IL1RAPL1: variants seen among roughly 807,000 people sequenced by gnomAD.
IL1RAPL1 encodes interleukin 1 receptor accessory protein like 1.
In IL1RAPL1, 3 loss-of-function variants were observed where a neutral mutation model predicts 48.4. The observed-to-expected ratio is 0.06, with a 90% CI of 0.03 to 0.16. The LOEUF (loss-of-function observed/expected upper bound fraction) is 0.16. Ranked by LOEUF, IL1RAPL1 falls within the 10% of genes least tolerant of loss-of-function variation. The probability of loss-of-function intolerance (pLI) is 1.00; values close to 1 mark genes in which losing one functional copy is unlikely to be tolerated. For missense variants in IL1RAPL1, 349 were observed against 530.6 expected (o/e 0.66, Z 3.36); for synonymous variants, 185 against 187.7 (o/e 0.99, Z 0.12).
intron 5 of IL1RAPL1, among the ~76,000 whole-genome samples, chrX:29,569,151 A>G (rs887259584): frequency 9.0e-6 from 1 of 111,601 alleles, no homozygotes. Flanking sequence ...TAAGGCATTT[A>G]TATTTTCTAG....
chrX:28,655,171 T>C (rs1934735563), intron 1 of IL1RAPL1, among the ~76,000 whole-genome samples: 2 of 111,486 alleles, frequency 1.8e-5, no homozygotes, highest in East Asian at 2.8e-4. Flanking sequence ...TAAGAAATCC[T>C]TGAAAAGGAA....
intron 6 of IL1RAPL1, among the ~76,000 whole-genome samples, chrX:29,729,047 C>T (rs962664126): frequency 3.6e-5 from 4 of 111,649 alleles, no homozygotes; most frequent in Non-Finnish European, 7.5e-5. Flanking sequence ...ATCCTGGGCT[C>T]AGAAACTGGC....
intron 5 of IL1RAPL1, among the ~76,000 whole-genome samples, chrX:29,645,595 C>T (rs1925296111): frequency 9.0e-6 from 1 of 111,327 alleles, no homozygotes; most frequent in South Asian, 3.8e-4. Flanking sequence ...GCCTGTAGCC[C>T]CTATGAAATG....
chrX:28,966,654 A>G (rs1431887793), intron 2 of IL1RAPL1, among the ~76,000 whole-genome samples: 1 of 111,642 alleles, frequency 9.0e-6, no homozygotes. Flanking sequence ...AGCAAACCCA[A>G]AAGTTATCTT....
At position 29,668,449 on chromosome X, in the gene IL1RAPL1, A is replaced by G. The variant is rs781408194; in HGVS notation, c.723A>G (p.Pro241=). 3 of 1,209,604 alleles carry G rather than the reference A, an allele frequency of 2.5e-6. No individual in the cohort carries two copies. In the South Asian group the frequency reaches 5.3e-5, roughly 21 times the overall value. ...LTVTAPLTDK[P]PKLLYPMESK... The stretch of plus-strand genomic sequence containing the variant: ...TTTCAGCCCCTCTGACTGATAAGCC[A>G]CCCAAGCTTTTGTATCCTATGGAAA... The change falls in exon 6 of 11, where the codon CCA becomes CCG. Residue 241 remains proline (P), a synonymous_variant. Transcript: ENST00000378993.
At chrX:28,652,821 A>G (rs1307653791) in intron 1 of IL1RAPL1, among the ~76,000 whole-genome samples, 1 of 110,253 alleles carries the variant, frequency 9.1e-6, no homozygotes, top group Non-Finnish European at 1.9e-5. Context: ...AGAAAAAAAC[A>G]TGGAGGAAAA....
At chrX:29,664,630 C>T (rs1441914776) in intron 5 of IL1RAPL1, among the ~76,000 whole-genome samples, 2 of 111,498 alleles carry the variant, frequency 1.8e-5, no homozygotes, top group Non-Finnish European at 3.8e-5. Context: ...CCTCACATTT[C>T]TCTCCACGTT....
At position 28,799,771 on chromosome X, in the gene IL1RAPL1, G is replaced by T. The variant is rs150445671; in HGVS notation, c.82+10346G>T. On this transcript the variant is annotated intron_variant, in intron 2 of 10. Coordinates refer to ENST00000378993, the MANE Select transcript of IL1RAPL1 (RefSeq NM_014271.4). ...ATTTCTGAAGAATATATAGGATCTA[G>T]TGAGTGTTTGGAGATGAATTGTGAA... Among the ~76,000 whole-genome samples the T allele has an allele frequency of 6.8e-3, 764 of 112,131 alleles. 3 individuals carry two copies. Among genetic ancestry groups the T allele is most frequent in the African/African-American group, 0.024 (741 of 30,855 alleles).
intron 2 of IL1RAPL1, among the ~76,000 whole-genome samples, chrX:29,174,762 A>C (rs1216014255): frequency 1.8e-5 from 2 of 111,810 alleles, no homozygotes; most frequent in Non-Finnish European, 3.8e-5. Flanking sequence ...GTTCTATAGT[A>C]AGAAAAAGGA....
chrX:29,633,468 T>TATATATACACAC (rs762146549), intron 5 of IL1RAPL1, among the ~76,000 whole-genome samples: 3 of 97,731 alleles, frequency 3.1e-5, no homozygotes, highest in African/African-American at 1.1e-4. Flanking sequence ...GATATATATA[T>TATATATACACAC]ACACACACAC....
At chrX:29,399,392 A>G in intron 5 of IL1RAPL1, 84 bp downstream of exon 5, 1 of 811,618 alleles carries the variant, frequency 1.2e-6, no homozygotes, top group Non-Finnish European at 1.8e-6. Context: ...TGATATTTTT[A>G]CTCTCTAAAG....
At chrX:29,177,642 C>A (rs1294500679) in intron 2 of IL1RAPL1, among the ~76,000 whole-genome samples, 1 of 111,875 alleles carries the variant, frequency 8.9e-6, no homozygotes, top group African/African-American at 3.3e-5. Context: ...ATGTGCACAA[C>A]GTGCAGGTTT....
At chrX:29,106,670 A>T (rs1928454036) in intron 2 of IL1RAPL1, among the ~76,000 whole-genome samples, 1 of 111,608 alleles carries the variant, frequency 9.0e-6, no homozygotes, top group Non-Finnish European at 1.9e-5. Flanking sequence ...TTGTTATATT[A>T]CTTGGTAGCA....
At chrX:29,528,668 C>T (rs1224544976) in intron 5 of IL1RAPL1, among the ~76,000 whole-genome samples, 1 of 112,113 alleles carries the variant, frequency 8.9e-6, no homozygotes, top group Non-Finnish European at 1.9e-5. Context: ...AGGGCTTGGC[C>T]CCTTTGAAGC....
intron 2 of IL1RAPL1, among the ~76,000 whole-genome samples, chrX:29,266,470 C>T (rs759981314): frequency 3.6e-5 from 4 of 111,136 alleles, no homozygotes; most frequent in African/African-American, 6.5e-5. Flanking sequence ...TAAGCAAGCC[C>T]CCCTCCCAAC....
chrX:29,863,348 C>T (rs947447806), intron 6 of IL1RAPL1, among the ~76,000 whole-genome samples: 10 of 111,917 alleles, frequency 8.9e-5, no homozygotes, highest in South Asian at 3.7e-4. Flanking sequence ...AATTAGAAAG[C>T]GACCATGTTC....
intron 5 of IL1RAPL1, among the ~76,000 whole-genome samples, chrX:29,477,586 C>G (rs2147743852): frequency 8.9e-6 from 1 of 112,185 alleles, no homozygotes; most frequent in Admixed American, 9.4e-5. Flanking sequence ...TAGTGCATCT[C>G]TATGTCAGTC....
intron 2 of IL1RAPL1, among the ~76,000 whole-genome samples, chrX:29,004,924 G>A (rs1925940236): frequency 1.8e-5 from 2 of 112,072 alleles, no homozygotes; most frequent in Admixed American, 9.5e-5. Context: ...GGTACAGACA[G>A]TCTTGTTAAT....
intron 2 of IL1RAPL1, among the ~76,000 whole-genome samples, chrX:29,165,282 A>G (rs225462): frequency 0.38 from 41,678 of 110,771 alleles, 6,836 homozygotes; most frequent in Non-Finnish European, 0.52. Context: ...TCGCGCCATT[A>G]CACTCCAACC....
Sources: allele counts gnomAD v4.1 joint callset (sites outside exome capture counted in the v4.1 genomes callset), GRCh38; gene constraint gnomAD v4.1.1; transcripts MANE v1.5; gene names NCBI Gene and HGNC (gene_info 2026-07-23, HGNC 2026-07-21).